DHX38: variants seen among roughly 807,000 people sequenced by gnomAD.
DHX38 encodes the protein pre-mRNA-splicing factor ATP-dependent RNA helicase PRP16.
A neutral mutation model predicts 153.1 loss-of-function variants in DHX38; 100 were observed. That is an observed-to-expected ratio of 0.65 (90% confidence interval 0.56 to 0.77). The LOEUF is 0.77. Among genes scored for constraint, DHX38 ranks in the 30% least tolerant of loss-of-function variants. The probability of loss-of-function intolerance (pLI) is 0.00; values close to 1 mark genes in which losing one functional copy is unlikely to be tolerated. For synonymous variants in DHX38, 650 were observed against 631.7 expected, an observed-to-expected ratio of 1.03 and a Z score of -0.43; for missense variants, 1,440 against 1,654.0, an observed-to-expected ratio of 0.87 and a Z score of 2.24.
chr16:72,104,855 A>T lies in DHX38; in HGVS notation c.2152-172A>T, dbSNP rs2042151588. On this transcript the variant is annotated intron_variant, in intron 15 of 26. Transcript: ENST00000268482. The surrounding 1 kb of genome is among the most constrained non-coding windows in gnomAD (Gnocchi z 4.5). ...TGAGGCTGAAGTACAGGGCCCAGGG[A>T]GGCACTGTGCCCTCTTGTAGAGGCC... Among the ~76,000 whole-genome samples, 2 of 152,072 alleles carry T rather than the reference A, an allele frequency of 1.3e-5. No individual in the cohort carries two copies. The highest frequency in any genetic ancestry group is 2.1e-4 in the South Asian group (1 of 4,830).
At chr16:72,108,951 T>C (rs1325024966) in intron 24 of DHX38, 26 bp downstream of exon 24, 2 of 1,578,996 alleles carry the variant, frequency 1.3e-6, no homozygotes, top group Non-Finnish European at 1.7e-6. Flanking sequence ...GGCACTTGCA[T>C]AATGCAGGCC....
Position 72,098,747 on chromosome 16 carries a change from G to T in DHX38, c.719G>T (p.Arg240Leu), listed in dbSNP as rs374768272. ...TCGCCCTCCCCGACGCCTTCCTATC[G>T]GGATTCTGAGCGGAGCCATCGGCTG... Reference protein sequence around the residue: ...WESPSPTPSYRDSERSHRLST... With the variant: ...WESPSPTPSYLDSERSHRLST... The change falls in exon 5 of 27, where the codon CGG becomes CTG. Residue 240 changes from arginine (R) to leucine (L), a missense_variant. Transcript: ENST00000268482. 1 of 1,614,080 alleles carries T rather than the reference G, an allele frequency of 6.2e-7. No homozygotes were observed. The highest frequency in any genetic ancestry group is 8.5e-7 in the Non-Finnish European group (1 of 1,180,042).
intron 25 of DHX38, 88 bp from the exon 26 acceptor site, chr16:72,110,868 T>G: frequency 6.8e-7 from 1 of 1,477,830 alleles, no homozygotes; most frequent in Middle Eastern, 1.8e-4. Flanking sequence ...ATGCAGCACC[T>G]GGTTTGTGGC....
rs1034512783 is a variant in DHX38, at chr16:72,104,224, T to G, written c.2010+93T>G. ...GGTTGCTCCAGGTGGGCTGAGGGGG[T>G]CTCTGGTAGGCCAGAGGTTCCTGAG... On this transcript the variant is annotated intron_variant, in intron 14 of 26. Coordinates refer to ENST00000268482, the MANE Select transcript of DHX38 (RefSeq NM_014003.4). This position sits in a 1 kb window ranked among gnomAD's most constrained non-coding sequence, Gnocchi z 4.5. 6.8e-7 allele frequency: 1 copy of G among 1,480,458 alleles called. No individual in the cohort carries two copies. Among genetic ancestry groups the G allele is most frequent in the African/African-American group, 1.4e-5 (1 of 72,098 alleles). The allele number at this position is 1,480,458 out of a possible 1,614,324, so 91.7% of individuals were successfully genotyped here. A position where few individuals can be genotyped will look rare whatever the true frequency, so the allele number is the denominator to read the frequency against.
chr16:72,096,979 G>A lies in DHX38; in HGVS notation c.481G>A (p.Asp161Asn), dbSNP rs1183071483. Residue 161 changes from aspartate (D) to asparagine (N), a missense_variant, in exon 3 of 27, where the codon GAT becomes AAT. Asp to Asn is a conservative substitution (Grantham distance 23, BLOSUM62 1). Transcript: ENST00000268482. Reference protein sequence around the residue: ...EKDWKKEKSRDRDYDRKRDRD... With the variant: ...EKDWKKEKSRNRDYDRKRDRD... ...GGATTGGAAGAAGGAGAAATCGCGG[G>A]ATCGAGACTATGACCGCAAGAGGGA... 3.7e-6 allele frequency: 6 copies of A among 1,613,972 alleles called. No individual in the cohort carries two copies. The Admixed American group carries it at 6.7e-5, about 18-fold the overall frequency.
At position 72,096,184 on chromosome 16, in the gene DHX38, G is replaced by A. The variant is rs985771779; in HGVS notation, c.27G>A (p.Ser9=). 2.5e-6 allele frequency: 4 copies of A among 1,606,736 alleles called. No individual in the cohort carries two copies. Among genetic ancestry groups the A allele is most frequent in the African/African-American group, 1.3e-5 (1 of 74,796 alleles). Reference sequence around the variant, plus strand: ...TGGGGGACACCAGTGAGGATGCCTCGATCCATCGATTGGAAGGCACTGATC... The same window carrying A: ...TGGGGGACACCAGTGAGGATGCCTCAATCCATCGATTGGAAGGCACTGATC... The part of the protein sequence containing the change: MGDTSEDA[S]IHRLEGTDLD... The change falls in exon 2 of 27, where the codon TCG becomes TCA. Residue 9 remains serine (S), a synonymous_variant. Coordinates refer to ENST00000268482, the MANE Select transcript of DHX38 (RefSeq NM_014003.4).
chr16:72,103,796 G>T lies in DHX38; in HGVS notation c.1824+8G>T, dbSNP rs1567607835. The T allele has an allele frequency of 6.2e-7, 1 of 1,607,980 alleles. No individual in the cohort carries two copies. Among genetic ancestry groups the T allele is most frequent in the African/African-American group, 1.3e-5 (1 of 74,910 alleles). On this transcript the variant is annotated splice_region_variant and intron_variant, in intron 13 of 26. Transcript: ENST00000268482. ...GGAAACCTTGGCGAGGAGGTGAGTGGGCGTGGGGGCTGAGCCATGTAGTTA... is the reference window on the plus strand; with the variant it reads ...GGAAACCTTGGCGAGGAGGTGAGTGTGCGTGGGGGCTGAGCCATGTAGTTA...
intron 11 of DHX38, 44 bp downstream of exon 11, chr16:72,101,656 T>TG (rs1424539256): frequency 6.6e-7 from 1 of 1,512,736 alleles, no homozygotes; most frequent in Non-Finnish European, 9.0e-7. Context: ...GCTCCAAAGA[T>TG]GGGGGCCCAT....
chr16:72,111,278 C>T (rs540229024), intron 26 of DHX38, among the ~76,000 whole-genome samples: 1 of 152,224 alleles, frequency 6.6e-6, no homozygotes, highest in South Asian at 2.1e-4. Context: ...GACAGTACAC[C>T]TGCAGGGATT....
Position 72,096,871 on chromosome 16 carries a change from A to G in DHX38, c.373A>G (p.Ser125Gly). The G allele has an allele frequency of 1.2e-6, 2 of 1,613,966 alleles. No individual in the cohort carries two copies. Among genetic ancestry groups the G allele is most frequent in the South Asian group, 1.1e-5 (1 of 91,064 alleles). ...VETPSHPGGV[S>G]EEFWERSRQR... is the part of the protein sequence containing the mutation. ...GACTCCATCCCATCCGGGTGGTGTGAGCGAAGAGTTTTGGGAACGCAGTCG... is the reference window on the plus strand; with the variant it reads ...GACTCCATCCCATCCGGGTGGTGTGGGCGAAGAGTTTTGGGAACGCAGTCG... The change falls in exon 3 of 27, where the codon AGC becomes GGC. Residue 125 changes from serine (S) to glycine (G), a missense_variant. Transcript: ENST00000268482.
intron 18 of DHX38, 39 bp from the exon 19 acceptor site, chr16:72,105,966 C>T: frequency 6.3e-7 from 1 of 1,588,986 alleles, no homozygotes; most frequent in Non-Finnish European, 8.6e-7. Flanking sequence ...ACTTTCCCCT[C>T]ACTCTGTCCT....
chr16:72,096,039 G>A, intron 1 of DHX38, 100 bp from the exon 2 acceptor site: 3 of 1,238,082 alleles, frequency 2.4e-6, no homozygotes, highest in Middle Eastern at 2.0e-4. Flanking sequence ...AAGGGGAGAT[G>A]GGGAAGGTTA....
At position 72,108,505 on chromosome 16, in the gene DHX38, C is replaced by T. The variant is rs2042214139; in HGVS notation, c.3153C>T (p.Ile1051=). ...AGGTGCGAGCTCAACTCAAGGACAT[C>T]ATGGTGCAGCAGCGGATGAGCCTGG... ...VREVRAQLKD[I]MVQQRMSLAS... Residue 1051 remains isoleucine, a synonymous_variant, in exon 23 of 27, where the codon ATC becomes ATT. Transcript: ENST00000268482. 2 of 1,614,206 alleles carry T rather than the reference C, an allele frequency of 1.2e-6. No homozygotes were observed. Among genetic ancestry groups the T allele is most frequent in the Non-Finnish European group, 1.7e-6 (2 of 1,180,040 alleles).
chr16:72,104,663 T>C lies in DHX38; in HGVS notation c.2151+37T>C, dbSNP rs764035798. The stretch of plus-strand genomic sequence containing the variant: ...ACCATGTTACGAACTGACCCTTCCA[T>C]GCCACGCACTTCTCTGATGCGAAGC... On this transcript the variant is annotated intron_variant, in intron 15 of 26. Transcript: ENST00000268482. The surrounding 1 kb of genome is among the most constrained non-coding windows in gnomAD (Gnocchi z 4.5). The C allele has an allele frequency of 1.2e-6, 2 of 1,612,842 alleles. No homozygotes were observed. The highest frequency in any genetic ancestry group is 1.1e-5 in the South Asian group (1 of 91,058).
chr16:72,107,583 G>A lies in DHX38; in HGVS notation c.2809+35G>A, dbSNP rs760967040. 10 of 1,609,304 alleles carry A rather than the reference G, an allele frequency of 6.2e-6. No homozygotes were observed. Among genetic ancestry groups the A allele is most frequent in the South Asian group, 3.3e-5 (3 of 90,958 alleles). On this transcript the variant is annotated intron_variant, in intron 20 of 26. Transcript: ENST00000268482. This position sits in a 1 kb window ranked among gnomAD's most constrained non-coding sequence, Gnocchi z 5.3. ...CCCCGGGAGCCTCATGGGTGCTGGCGCTTGACTTCCTTCTTTCCTCTACTG... is the reference window on the plus strand; with the variant it reads ...CCCCGGGAGCCTCATGGGTGCTGGCACTTGACTTCCTTCTTTCCTCTACTG...
chr16:72,105,746 G>A (rs2042166977), intron 18 of DHX38, 122 bp downstream of exon 18: 1 of 948,462 alleles, frequency 1.1e-6, no homozygotes, highest in Non-Finnish European at 1.7e-6. Flanking sequence ...AGTGGTGGTG[G>A]TGGTGGGAGG....
At chr16:72,096,774 G>T (rs757003948) in intron 2 of DHX38, 48 bp from the exon 3 acceptor site, 1 of 1,563,360 alleles carries the variant, frequency 6.4e-7, no homozygotes, top group South Asian at 1.2e-5. Context: ...TTAGGGCAGA[G>T]TTTTTCTCCT....
chr16:72,096,376 GTCCAAAGTC>G lies in DHX38; in HGVS notation c.223_231del (p.Lys75_Ser77del), dbSNP rs775518161. On this transcript the variant is annotated inframe_deletion, in exon 2 of 27. Coordinates refer to ENST00000268482, the MANE Select transcript of DHX38 (RefSeq NM_014003.4). ...AGGACGATGGGGAGGACAAGAAGAA[GTCCAAAGTC>G]TCCTCCTACAAGGACTGGGAAGAGA... The G allele has an allele frequency of 6.2e-7, 1 of 1,614,110 alleles. No individual in the cohort carries two copies. The highest frequency in any genetic ancestry group is 1.3e-5 in the African/African-American group (1 of 74,948).
intron 8 of DHX38, among the ~76,000 whole-genome samples, 173 bp downstream of exon 8, chr16:72,100,060 A>G (rs1011004542): frequency 7.2e-5 from 11 of 152,094 alleles, no homozygotes; most frequent in Non-Finnish European, 1.0e-4. Context: ...TAGCTTAAGG[A>G]AAGCCCCGGC....
Sources: gnomAD v4.1 joint callset for allele counts (sites outside exome capture counted in the v4.1 genomes callset) on GRCh38, gnomAD v4.1.1 for gene constraint, Gnocchi (gnomAD v3.1) non-coding constraint, MANE v1.5 for transcripts, NCBI Gene and HGNC (gene_info 2026-07-23, HGNC 2026-07-21) for gene names.